STK10: variants seen among roughly 807,000 people sequenced by gnomAD.
The protein encoded by STK10 is serine/threonine-protein kinase 10.
In STK10, 78 loss-of-function variants were observed where a neutral mutation model predicts 113.8. The ratio of observed to expected loss-of-function variants is 0.69; its 90% confidence interval spans 0.57 to 0.83. The LOEUF (loss-of-function observed/expected upper bound fraction) is 0.83, where lower values mean the gene tolerates loss of function less well. Among genes scored for constraint, STK10 ranks in the 40% least tolerant of loss-of-function variants. STK10 has a pLI of 0.00. For synonymous variants in STK10, 465 were observed against 494.7 expected (o/e 0.94, Z 0.80); for missense variants, 1,109 against 1,280.1 (o/e 0.87, Z 2.04).
At chr5:172,177,990 A>G (rs1351781027) in intron 1 of STK10, among the ~76,000 whole-genome samples, 1 of 152,090 alleles carries the variant, frequency 6.6e-6, no homozygotes, top group African/African-American at 2.4e-5. Flanking sequence ...CACCACACCC[A>G]GCTAATTTTG....
intron 12 of STK10, among the ~76,000 whole-genome samples, chr5:172,070,196 C>T (rs961475921): frequency 6.6e-6 from 1 of 151,512 alleles, no homozygotes; most frequent in African/African-American, 2.4e-5. Flanking sequence ...TGCAGTGAGC[C>T]GAGATCATGC....
chr5:172,180,722 TCA>T (rs1397627738), intron 1 of STK10, among the ~76,000 whole-genome samples: 2 of 151,830 alleles, frequency 1.3e-5, no homozygotes, highest in African/African-American at 4.8e-5. Flanking sequence ...GGCAGGAGAA[TCA>T]CTTGAACCCA....
intron 10 of STK10, among the ~76,000 whole-genome samples, chr5:172,089,472 G>A (rs1291209163): frequency 4.6e-5 from 7 of 151,982 alleles, no homozygotes; most frequent in Non-Finnish European, 5.9e-5. Flanking sequence ...GTGGAAGGCT[G>A]AATGGGTAGA....
chr5:172,061,043 G>T, intron 14 of STK10, 96 bp downstream of exon 14: 1 of 1,477,376 alleles, frequency 6.8e-7, no homozygotes, highest in Non-Finnish European at 9.0e-7. Flanking sequence ...GGATGGAGAA[G>T]GCCTGGGAGG....
At chr5:172,136,097 C>A (rs1351183776) in intron 2 of STK10, among the ~76,000 whole-genome samples, 2 of 151,804 alleles carry the variant, frequency 1.3e-5, no homozygotes, top group Non-Finnish European at 2.9e-5. Flanking sequence ...CAAATTACTA[C>A]AATCAGAAAT....
chr5:172,072,416 A>C (rs1561795513), intron 12 of STK10, among the ~76,000 whole-genome samples: 1 of 152,054 alleles, frequency 6.6e-6, no homozygotes. Context: ...ACAGGCGCAC[A>C]CTGCCACGCC....
intron 12 of STK10, among the ~76,000 whole-genome samples, chr5:172,077,644 T>C (rs1768340558): frequency 6.6e-6 from 1 of 152,230 alleles, no homozygotes; most frequent in Admixed American, 6.5e-5. Context: ...TAATTATTTT[T>C]CCTATATGTG....
chr5:172,161,283 C>T (rs1162229019), intron 1 of STK10, among the ~76,000 whole-genome samples: 1 of 152,072 alleles, frequency 6.6e-6, no homozygotes, highest in East Asian at 1.9e-4. Context: ...GAAACCTCGT[C>T]TCTACTAAAA....
intron 2 of STK10, among the ~76,000 whole-genome samples, chr5:172,145,116 G>A (rs1043133489): frequency 2.6e-5 from 4 of 152,154 alleles, no homozygotes; most frequent in South Asian, 2.1e-4. Flanking sequence ...CAGCCCTAGC[G>A]GAGAGACAAA....
chr5:172,057,574 A>C (rs764363008), intron 14 of STK10, 101 bp from the exon 15 acceptor site: 342 of 1,477,404 alleles, frequency 2.3e-4, no homozygotes, highest in Middle Eastern at 1.2e-3. Flanking sequence ...GCTGGAGATG[A>C]TAACCAACCT....
intron 2 of STK10, among the ~76,000 whole-genome samples, chr5:172,138,502 T>A (rs975175032): frequency 1.3e-5 from 2 of 150,912 alleles, no homozygotes; most frequent in African/African-American, 4.9e-5. Context: ...TTAGAATTAA[T>A]AAACACATTT....
chr5:172,051,616 A>T (rs1275947521), intron 18 of STK10, among the ~76,000 whole-genome samples: 1 of 152,128 alleles, frequency 6.6e-6, no homozygotes, highest in Non-Finnish European at 1.5e-5. Context: ...AAAGAGTGAA[A>T]CTGTCTCTAA....
In STK10 at chr5:172,044,915, C is replaced by T. The variant is rs1217562837; in HGVS notation, c.2874G>A (p.Lys958=). 5.0e-6 allele frequency: 8 copies of T among 1,614,106 alleles called. No individual in the cohort carries two copies. The highest frequency in any genetic ancestry group is 2.2e-5 in the East Asian group (1 of 44,894). ...CATCCGCAGAACTGTAGGGGAAGAACTTGGCGGCCTTGCTTGGGGTGGAGG... is the reference window on the plus strand; with the variant it reads ...CATCCGCAGAACTGTAGGGGAAGAATTTGGCGGCCTTGCTTGGGGTGGAGG... ...PNPSTPSKAA[K]FFPYSSADAS The change falls in exon 19 of 19, where the codon AAG becomes AAA. Residue 958 remains lysine, a synonymous_variant. Transcript: ENST00000176763. This position sits in a 1 kb window ranked among gnomAD's most constrained non-coding sequence, Gnocchi z 4.5.
chr5:172,069,138 G>A (rs1429867184), intron 12 of STK10, among the ~76,000 whole-genome samples: 1 of 151,492 alleles, frequency 6.6e-6, no homozygotes, highest in Non-Finnish European at 1.5e-5. Context: ...TCAAAAGGAG[G>A]TAGAAAAACA....
intron 2 of STK10, among the ~76,000 whole-genome samples, chr5:172,136,259 A>G (rs1769856432): frequency 6.6e-6 from 1 of 152,122 alleles, no homozygotes; most frequent in African/African-American, 2.4e-5. Context: ...GAAACAGAAG[A>G]CCTGAATAGA....
At chr5:172,137,321 C>T (rs183238774) in intron 2 of STK10, among the ~76,000 whole-genome samples, 20 of 152,022 alleles carry the variant, frequency 1.3e-4, no homozygotes, top group East Asian at 3.9e-4. Flanking sequence ...AAAATACTTG[C>T]GAATCATATT....
At chr5:172,054,044 G>C (rs1034823392) in intron 17 of STK10, among the ~76,000 whole-genome samples, 1 of 152,194 alleles carries the variant, frequency 6.6e-6, no homozygotes, top group African/African-American at 2.4e-5. Context: ...GAAATTGCCC[G>C]ATGGGTCCAA....
At chr5:172,127,264 A>T (rs954436637) in intron 3 of STK10, 109 bp downstream of exon 3, 1 of 1,205,126 alleles carries the variant, frequency 8.3e-7, no homozygotes, top group African/African-American at 1.5e-5. Flanking sequence ...GAACTGATGG[A>T]ATGGGAGAGT....
intron 1 of STK10, among the ~76,000 whole-genome samples, chr5:172,159,526 G>T (rs1040224751): frequency 6.6e-6 from 1 of 151,918 alleles, no homozygotes; most frequent in Non-Finnish European, 1.5e-5. Context: ...TGGGTGACAG[G>T]AAAAAAAGAA....
Sources: allele counts gnomAD v4.1 joint callset (sites outside exome capture counted in the v4.1 genomes callset), GRCh38; gene constraint gnomAD v4.1.1; non-coding constraint Gnocchi (gnomAD v3.1); transcripts MANE v1.5; gene names NCBI Gene and HGNC (gene_info 2026-07-23, HGNC 2026-07-21).